The following BIRC3 variants were observed in gnomAD, a reference collection of about 807,000 sequenced individuals.
The protein encoded by BIRC3 is baculoviral IAP repeat containing 3.
A neutral mutation model predicts 59.0 loss-of-function variants in BIRC3; 26 were observed. That is an observed-to-expected ratio of 0.44 (90% CI 0.32 to 0.61). The LOEUF is 0.61. Ranked by LOEUF, BIRC3 falls within the 20% of genes least tolerant of loss-of-function variation. BIRC3 has a pLI of 0.04. For synonymous variants in BIRC3, 243 were observed against 249.2 expected (o/e 0.98, Z 0.24); for missense variants, 641 against 711.5 (o/e 0.90, Z 1.13).
intron 6 of BIRC3, among the ~76,000 whole-genome samples, chr11:102,333,700 C>G (rs1951168443): frequency 6.6e-6 from 1 of 151,992 alleles, no homozygotes; most frequent in Non-Finnish European, 1.5e-5. Flanking sequence ...GAGCTGAGAT[C>G]GCACCGCTGC....
Position 102,337,669 on chromosome 11 carries a change from G to A in BIRC3, c.*567G>A, listed in dbSNP as rs368324256. The A allele has an allele frequency of 1.7e-4, 53 of 308,502 alleles. No homozygotes were observed. The South Asian group carries it at 8.3e-3, about 48-fold the overall frequency. 19.1% of individuals were successfully genotyped at this position (308,502 alleles called of 1,614,324 possible). ...GCATATATGTTGAATGACATTTTAG[G>A]GACATGGTGTTTTTATAAAGAATTC... On this transcript the variant is annotated 3_prime_UTR_variant, in exon 9 of 9. Coordinates refer to ENST00000263464, the MANE Select transcript of BIRC3 (RefSeq NM_001165.5).
chr11:102,336,999 C>G lies in BIRC3; in HGVS notation c.1712C>G (p.Pro571Arg), dbSNP rs1411306598. Residue 571 changes from proline (P) to arginine (R), a missense_variant, in exon 9 of 9, where the codon CCT (proline) becomes CGT (arginine). Physicochemically the swap from Pro to Arg is moderately radical, Grantham distance 103. Coordinates refer to ENST00000263464, the MANE Select transcript of BIRC3 (RefSeq NM_001165.5). ...MDKEVSIVFI[P>R]CGHLVVCKDC... Reference sequence around the variant, plus strand: ...AAAGAAGTGTCCATAGTGTTTATTCCTTGTGGTCATCTAGTAGTATGCAAA... The same window carrying G: ...AAAGAAGTGTCCATAGTGTTTATTCGTTGTGGTCATCTAGTAGTATGCAAA... 6 of 1,604,934 alleles carry G rather than the reference C, an allele frequency of 3.7e-6. No homozygotes were observed. The highest frequency in any genetic ancestry group is 4.2e-6 in the Non-Finnish European group (5 of 1,178,024).
intron 1 of BIRC3, among the ~76,000 whole-genome samples, chr11:102,317,883 G>T (rs959113696): frequency 2.0e-5 from 3 of 152,186 alleles, no homozygotes; most frequent in Non-Finnish European, 2.9e-5. Context: ...CTGGGCCTTT[G>T]CAGGTGCCAA....
chr11:102,326,698 T>C (rs1185033267), intron 3 of BIRC3: 1 of 454,464 alleles, frequency 2.2e-6, no homozygotes, highest in African/African-American at 2.0e-5. Flanking sequence ...TTAACTTATT[T>C]TGATTACTTT....
chr11:102,328,872 ATATATATATTTT>A lies in BIRC3; in HGVS notation c.1033-23_1033-12del. 1 of 830,336 alleles carries A rather than the reference ATATATATATTTT, an allele frequency of 1.2e-6. No individual in the cohort carries two copies. Among genetic ancestry groups the A allele is most frequent in the African/African-American group, 1.9e-5 (1 of 53,294 alleles). The allele number at this position is 830,336 out of a possible 1,614,324, so 51.4% of individuals were successfully genotyped here. On this transcript the variant is annotated splice_polypyrimidine_tract_variant and intron_variant, in intron 4 of 8. Coordinates refer to ENST00000263464, the MANE Select transcript of BIRC3 (RefSeq NM_001165.5). ...TCTATTTTAATTTATATATATATAT[ATATATATATTTT>A]TTTTTTCTGCAGCTGCTATCCACAT...
At chr11:102,333,060 T>C (rs1324206600) in intron 6 of BIRC3, among the ~76,000 whole-genome samples, 1 of 152,186 alleles carries the variant, frequency 6.6e-6, no homozygotes, top group Admixed American at 6.5e-5. Context: ...CAACAATATA[T>C]AATAATTTAC....
Position 102,328,067 on chromosome 11 carries a change from A to G in BIRC3, c.969A>G (p.Ile323Met). 6.2e-7 allele frequency: 1 copy of G among 1,607,728 alleles called. No individual in the cohort carries two copies. Among genetic ancestry groups the G allele is most frequent in the Non-Finnish European group, 8.5e-7 (1 of 1,177,924 alleles). Residue 323 changes from isoleucine (I) to methionine (M), a missense_variant, in exon 4 of 9, where the codon ATA becomes ATG. By Grantham distance (10) the Ile-to-Met change is conservative. Transcript: ENST00000263464. ...AKWFPRCEYL[I>M]RIKGQEFIRQ... ...TACATTTTAGGTGTGAGTACTTGAT[A>G]AGAATTAAAGGACAGGAGTTCATCC...
chr11:102,335,932 G>C (rs1951190833), intron 6 of BIRC3, 34 bp from the exon 7 acceptor site: 1 of 1,578,636 alleles, frequency 6.3e-7, no homozygotes, highest in East Asian at 2.2e-5. Flanking sequence ...AGCAGAGTTT[G>C]AACATGTTTA....
intron 1 of BIRC3, among the ~76,000 whole-genome samples, chr11:102,317,780 A>G (rs1591516952): frequency 1.3e-5 from 2 of 152,300 alleles, no homozygotes; most frequent in East Asian, 1.9e-4. Flanking sequence ...GGCTCTAGAT[A>G]GGTTCCAGGT....
At chr11:102,329,912 T>C (rs1049227748) in intron 5 of BIRC3, among the ~76,000 whole-genome samples, 1 of 148,566 alleles carries the variant, frequency 6.7e-6, no homozygotes, top group South Asian at 2.2e-4. Context: ...ATTATGCACA[T>C]GTACCCTAGA....
chr11:102,336,420 C>T (rs1300507369), intron 7 of BIRC3, 200 bp downstream of exon 7: 7 of 613,482 alleles, frequency 1.1e-5, no homozygotes, highest in Non-Finnish European at 1.9e-5. Flanking sequence ...GGCGAGACCC[C>T]ATCACTACAA....
chr11:102,337,294 A>T lies in BIRC3; in HGVS notation c.*192A>T, dbSNP rs1951207023. Reference sequence around the variant, plus strand: ...ATTTTTTAGAAACTAAGAGAATGATAGGCTTTTGTTCTTATGAACGAAAAA... The same window carrying T: ...ATTTTTTAGAAACTAAGAGAATGATTGGCTTTTGTTCTTATGAACGAAAAA... On this transcript the variant is annotated 3_prime_UTR_variant, in exon 9 of 9. Coordinates refer to ENST00000263464, the MANE Select transcript of BIRC3 (RefSeq NM_001165.5). 2.4e-6 allele frequency: 1 copy of T among 422,230 alleles called. No individual in the cohort carries two copies. Among genetic ancestry groups the T allele is most frequent in the African/African-American group, 2.0e-5 (1 of 48,900 alleles). The allele number at this position is 422,230 out of a possible 1,614,324, so 26.2% of individuals were successfully genotyped here. A position where few individuals can be genotyped will look rare whatever the true frequency, so the allele number is the denominator to read the frequency against.
At chr11:102,318,207 T>G (rs1950993526) in intron 1 of BIRC3, among the ~76,000 whole-genome samples, 1 of 152,332 alleles carries the variant, frequency 6.6e-6, no homozygotes, top group East Asian at 1.9e-4. Flanking sequence ...ATTTTTCACG[T>G]TTAATTATCA....
chr11:102,334,119 G>A (rs759068566), intron 6 of BIRC3, among the ~76,000 whole-genome samples: 7 of 152,170 alleles, frequency 4.6e-5, no homozygotes, highest in East Asian at 1.9e-4. Flanking sequence ...ATTAGGTTAC[G>A]TATAATTACA....
chr11:102,321,546 G>T (rs1216756471), intron 1 of BIRC3, among the ~76,000 whole-genome samples: 2 of 152,040 alleles, frequency 1.3e-5, no homozygotes, highest in African/African-American at 4.8e-5. Context: ...GTAGAGATGG[G>T]GTTTCACCAT....
Position 102,325,159 on chromosome 11 carries a change from C to T in BIRC3, c.650C>T (p.Pro217Leu), listed in dbSNP as rs768158423. The T allele has an allele frequency of 1.2e-6, 2 of 1,614,046 alleles. No individual in the cohort carries two copies. Among genetic ancestry groups the T allele is most frequent in the East Asian group, 2.2e-5 (1 of 44,874 alleles). ...GGTGGAAAATTGAGCAATTGGGAAC[C>T]GAAGGATAATGCTATGTCAGAACAC... ...ACGGKLSNWE[P>L]KDNAMSEHLR... Residue 217 changes from proline to leucine, a missense_variant, in exon 2 of 9, where the codon CCG becomes CTG. By Grantham distance (98) the Pro-to-Leu change is moderately conservative (BLOSUM62 -3). This residue lies in a region of BIRC3 where 329 missense variants were observed against 365.6 expected (regional missense o/e 0.90). Coordinates refer to ENST00000263464, the MANE Select transcript of BIRC3 (RefSeq NM_001165.5).
rs1173728754 is a variant in BIRC3, at chr11:102,324,886, C to T, written c.377C>T (p.Pro126Leu). Residue 126 changes from proline to leucine, a missense_variant, in exon 2 of 9, where the codon CCG becomes CTG. Physicochemically the swap from Pro to Leu is moderately conservative, Grantham distance 98 (BLOSUM62 -3). This residue lies in a region of BIRC3 where 329 missense variants were observed against 365.6 expected (regional missense o/e 0.90). Transcript: ENST00000263464. Reference protein sequence around the residue: ...SVTNSTHSLLPGTENSGYFRG... With the variant: ...SVTNSTHSLLLGTENSGYFRG... Reference sequence around the variant, plus strand: ...ACAAATTCCACACACTCATTACTTCCGGGTACAGAAAACAGTGGATATTTC... The same window carrying T: ...ACAAATTCCACACACTCATTACTTCTGGGTACAGAAAACAGTGGATATTTC... The T allele has an allele frequency of 3.1e-6, 5 of 1,614,066 alleles. No homozygotes were observed. The highest frequency in any genetic ancestry group is 2.2e-5 in the East Asian group (1 of 44,898).
chr11:102,333,474 G>A (rs1365193073), intron 6 of BIRC3, among the ~76,000 whole-genome samples: 1 of 151,788 alleles, frequency 6.6e-6, no homozygotes, highest in African/African-American at 2.4e-5. Flanking sequence ...GCTGAGGTGG[G>A]AGGACCACTT....
chr11:102,330,929 C>T, intron 5 of BIRC3, 70 bp from the exon 6 acceptor site: 1 of 1,422,964 alleles, frequency 7.0e-7, no homozygotes, highest in Non-Finnish European at 9.3e-7. Context: ...TTTTTGATTT[C>T]ATTTCAAATT....
Sources: allele counts gnomAD v4.1 joint callset (sites outside exome capture counted in the v4.1 genomes callset), GRCh38; gene constraint gnomAD v4.1.1; regional missense constraint gnomAD v4.1.1; transcripts MANE v1.5; gene names NCBI Gene and HGNC (gene_info 2026-07-23, HGNC 2026-07-21).